Variants in HPSE observed in about 807,000 individuals in gnomAD.
HPSE encodes the protein endo-glucoronidase.
Under a neutral mutation model 65.1 loss-of-function variants are expected in HPSE, and 48 were observed. That is an observed-to-expected ratio of 0.74 (90% CI 0.58 to 0.94). The LOEUF (loss-of-function observed/expected upper bound fraction) is 0.94. Ranked by LOEUF, HPSE falls within the 40% of genes least tolerant of loss-of-function variation. HPSE has a pLI of 0.00. For synonymous variants in HPSE, 243 were observed against 260.0 expected (o/e 0.93, Z 0.63); for missense variants, 644 against 637.5 (o/e 1.01, Z -0.11).
In HPSE at chr4:83,293,773, C is replaced by T. The variant is rs1424310559; in HGVS notation, c.*1571G>A. On this transcript the variant is annotated 3_prime_UTR_variant, in exon 12 of 12. Coordinates refer to ENST00000311412, the MANE Select transcript of HPSE (RefSeq NM_001098540.3). ...CCATTTTTTATACTATCATATCTAA[C>T]AATCTGTCCTCTCACATATTATTGC... 2 of 152,214 alleles carry T rather than the reference C, an allele frequency of 1.3e-5. No individual in the cohort carries two copies. Among genetic ancestry groups the T allele is most frequent in the Admixed American group, 1.3e-4 (2 of 15,284 alleles). The allele number at this position is 152,214 out of a possible 1,614,324, so 9.4% of individuals were successfully genotyped here.
intron 9 of HPSE, 32 bp downstream of exon 9, chr4:83,306,171 C>G (rs375128506): frequency 7.2e-4 from 942 of 1,316,756 alleles, no homozygotes; most frequent in Non-Finnish European, 1.0e-3. Flanking sequence ...TTAATCTACT[C>G]CACTAGAATT....
chr4:83,304,512 A>G (rs1437127130), intron 9 of HPSE, among the ~76,000 whole-genome samples: 1 of 151,942 alleles, frequency 6.6e-6, no homozygotes, highest in Non-Finnish European at 1.5e-5. Flanking sequence ...AAAATTTTCT[A>G]TAGTAAAAGT....
chr4:83,323,280 T>C (rs1040260188), intron 1 of HPSE, among the ~76,000 whole-genome samples: 2 of 152,126 alleles, frequency 1.3e-5, no homozygotes, highest in East Asian at 1.9e-4. Flanking sequence ...CTCAAACCCA[T>C]AGAATGTACA....
intron 8 of HPSE, among the ~76,000 whole-genome samples, chr4:83,308,144 A>G (rs1736214998): frequency 6.7e-6 from 1 of 150,106 alleles, no homozygotes; most frequent in South Asian, 2.1e-4. Context: ...GTGGTGGCTC[A>G]TGTCCGTAAT....
chr4:83,334,715 G>T lies in HPSE; in HGVS notation c.68C>A (p.Pro23His). Residue 23 changes from proline to histidine, a missense_variant, in exon 1 of 12, where the codon CCC (proline) becomes CAC (histidine). Transcript: ENST00000311412. Reference sequence around the variant, plus strand: ...TCGGGGCAGGGCGCCAGGGGAGAGGGGACCCAGCGGCCCCAGGAGCAGCAG... The same window carrying T: ...TCGGGGCAGGGCGCCAGGGGAGAGGTGACCCAGCGGCCCCAGGAGCAGCAG... ...LMLLLLGPLG[P>H]LSPGALPRPA... 6.4e-7 allele frequency: 1 copy of T among 1,565,562 alleles called. No individual in the cohort carries two copies. Among genetic ancestry groups the T allele is most frequent in the Non-Finnish European group, 8.7e-7 (1 of 1,154,874 alleles).
chr4:83,322,217 A>G lies in HPSE; in HGVS notation c.373+2T>C. The G allele has an allele frequency of 5.0e-6, 8 of 1,610,878 alleles. No individual in the cohort carries two copies. In the South Asian group the frequency reaches 8.8e-5, roughly 18 times the overall value. On this transcript the variant is annotated splice_donor_variant, in intron 2 of 11. Coordinates refer to ENST00000311412, the MANE Select transcript of HPSE (RefSeq NM_001098540.3). LOFTEE classifies it high-confidence loss of function. ...ATAGAGTGAATCTTTAAAAATTTTC[A>G]CCCTGGTTGACTTGAGATTGCCAGT...
At chr4:83,309,612 G>T (rs1736288533) in intron 6 of HPSE, 117 bp from the exon 7 acceptor site, 8 of 670,272 alleles carry the variant, frequency 1.2e-5, no homozygotes, top group South Asian at 8.9e-5. Flanking sequence ...ACTAAAAAAA[G>T]GTAGAAGTTC....
chr4:83,334,715 G>C lies in HPSE; in HGVS notation c.68C>G (p.Pro23Arg). Reference protein sequence around the residue: ...LMLLLLGPLGPLSPGALPRPA... With the variant: ...LMLLLLGPLGRLSPGALPRPA... ...TCGGGGCAGGGCGCCAGGGGAGAGG[G>C]GACCCAGCGGCCCCAGGAGCAGCAG... The change falls in exon 1 of 12, where the codon CCC becomes CGC. Residue 23 changes from proline to arginine, a missense_variant. Transcript: ENST00000311412. 8.9e-6 allele frequency: 14 copies of C among 1,565,562 alleles called. No homozygotes were observed. The highest frequency in any genetic ancestry group is 1.9e-5 in the Admixed American group (1 of 52,866).
intron 10 of HPSE, 139 bp from the exon 11 acceptor site, chr4:83,301,245 C>T: frequency 1.9e-6 from 1 of 521,496 alleles, no homozygotes; most frequent in Non-Finnish European, 3.3e-6. Flanking sequence ...TCCATAATGA[C>T]AGTGGGCCCT....
chr4:83,325,410 C>T (rs774592216), intron 1 of HPSE, among the ~76,000 whole-genome samples: 37 of 152,174 alleles, frequency 2.4e-4, no homozygotes, highest in Non-Finnish European at 3.8e-4. Flanking sequence ...AGGTGATCCG[C>T]CCACCTCAGC....
In HPSE at chr4:83,334,588, C is replaced by T; in HGVS notation, c.195G>A (p.Leu65=). ...GGATGAGGAACCGCGGGTCCGTGGC[C>T]AGGTTGGCGTCAATGGTGACGGACA... ...SFLSVTIDAN[L]ATDPRFLILL... Residue 65 remains leucine (L), a synonymous_variant, in exon 1 of 12, where the codon CTG becomes CTA. Coordinates refer to ENST00000311412, the MANE Select transcript of HPSE (RefSeq NM_001098540.3). 1 of 1,591,144 alleles carries T rather than the reference C, an allele frequency of 6.3e-7. No homozygotes were observed. Among genetic ancestry groups the T allele is most frequent in the Non-Finnish European group, 8.6e-7 (1 of 1,168,942 alleles).
intron 9 of HPSE, among the ~76,000 whole-genome samples, chr4:83,303,171 C>T (rs756242851): frequency 2.1e-4 from 32 of 151,980 alleles, no homozygotes; most frequent in Non-Finnish European, 3.8e-4. Flanking sequence ...CCTGAATAAA[C>T]TCAAGCTTCT....
intron 11 of HPSE, among the ~76,000 whole-genome samples, chr4:83,298,828 C>A (rs1735825753): frequency 1.3e-5 from 2 of 152,050 alleles, no homozygotes; most frequent in African/African-American, 4.8e-5. Context: ...ACCCCCGCCT[C>A]AAAAATAATG....
chr4:83,314,145 T>G (rs2126190137), intron 3 of HPSE, among the ~76,000 whole-genome samples: 1 of 151,490 alleles, frequency 6.6e-6, no homozygotes, highest in East Asian at 1.9e-4. Context: ...CCCAGCTAGC[T>G]ACTTGGGAGG....
At chr4:83,321,816 A>G (rs933659726) in intron 2 of HPSE, among the ~76,000 whole-genome samples, 1 of 152,166 alleles carries the variant, frequency 6.6e-6, no homozygotes, top group Non-Finnish European at 1.5e-5. Flanking sequence ...CCCATATTCT[A>G]TATTTAGAAT....
rs138880915 is a variant in HPSE, at chr4:83,327,259, A to G, written c.228-4895T>C. 1.3e-5 allele frequency among the ~76,000 whole-genome samples: 2 copies of G among 152,328 alleles called. 1 individual carries two copies. The highest frequency in any genetic ancestry group is 3.9e-4 in the East Asian group (2 of 5,184). On this transcript the variant is annotated intron_variant, in intron 1 of 11. Transcript: ENST00000311412. ...TGCCAGACAAAGACTTTCCTGAACA[A>G]AATGAAAACCCAATACTGTTTGGGT... is the stretch of plus-strand genomic sequence containing the variant.
At chr4:83,311,120 G>A (rs141230815) in intron 4 of HPSE, among the ~76,000 whole-genome samples, 2 of 151,864 alleles carry the variant, frequency 1.3e-5, no homozygotes, top group African/African-American at 4.8e-5. Context: ...ACCACTCTGG[G>A]TAACATAGTA....
chr4:83,308,295 A>G (rs1009721509), intron 8 of HPSE, among the ~76,000 whole-genome samples: 8 of 152,056 alleles, frequency 5.3e-5, no homozygotes, highest in Admixed American at 3.9e-4. Context: ...AGTCCCAGCT[A>G]CTCAGGACGC....
intron 1 of HPSE, among the ~76,000 whole-genome samples, chr4:83,328,742 TGGGAAAGGC>T (rs1737245732): frequency 6.6e-6 from 1 of 150,492 alleles, no homozygotes; most frequent in Non-Finnish European, 1.5e-5. Flanking sequence ...GTAATTGAGA[TGGGAAAGGC>T]TTGGGGAAAG....
Sources: allele counts gnomAD v4.1 joint callset (sites outside exome capture counted in the v4.1 genomes callset), GRCh38; gene constraint gnomAD v4.1.1; transcripts MANE v1.5; gene names NCBI Gene and HGNC (gene_info 2026-07-23, HGNC 2026-07-21).